The following SERTM1 variants were observed in gnomAD, a reference collection of about 807,000 sequenced individuals.
SERTM1 encodes serine rich and transmembrane domain containing 1, also known as serine-rich and transmembrane domain-containing protein 1.
A neutral mutation model predicts 5.5 loss-of-function variants in SERTM1; 1 was observed. That is an observed-to-expected ratio of 0.18 (90% confidence interval 0.06 to 0.86). SERTM1 has a LOEUF of 0.86. SERTM1 is among the 40% of genes least tolerant of loss of function. SERTM1 has a pLI of 0.69. For missense variants in SERTM1, 91 were observed against 122.4 expected (o/e 0.74, Z 1.21); for synonymous variants, 52 against 55.1 (o/e 0.94, Z 0.25).
chr13:36,681,747 A>G (rs894283450), intron 1 of SERTM1, among the ~76,000 whole-genome samples: 9 of 152,232 alleles, frequency 5.9e-5, no homozygotes, highest in African/African-American at 2.2e-4. Flanking sequence ...ATTCTGGGTC[A>G]TATTCAGCCA....
At chr13:36,694,779 G>C (rs1315803311) in intron 1 of SERTM1, 127 bp from the exon 2 acceptor site, 3 of 381,024 alleles carry the variant, frequency 7.9e-6, no homozygotes, top group Non-Finnish European at 1.4e-5. Flanking sequence ...CTGATTCCTA[G>C]GGGAGTTATA....
At chr13:36,687,935 A>C (rs1480957382) in intron 1 of SERTM1, among the ~76,000 whole-genome samples, 1 of 152,112 alleles carries the variant, frequency 6.6e-6, no homozygotes, top group Non-Finnish European at 1.5e-5. Context: ...GAGGATACCT[A>C]GTAGTTTACA....
At chr13:36,683,499 CAAAT>C (rs944144937) in intron 1 of SERTM1, among the ~76,000 whole-genome samples, 8 of 152,082 alleles carry the variant, frequency 5.3e-5, no homozygotes, top group Non-Finnish European at 8.8e-5. Flanking sequence ...GCTACAGTAA[CAAAT>C]AAGCCCCAAA....
chr13:36,683,770 C>G (rs1323631915), intron 1 of SERTM1, among the ~76,000 whole-genome samples: 1 of 152,078 alleles, frequency 6.6e-6, no homozygotes, highest in African/African-American at 2.4e-5. Flanking sequence ...ATACAGTCAC[C>G]CTAAATTCAG....
In SERTM1 at chr13:36,695,234, A is replaced by G. The variant is rs1468510855; in HGVS notation, c.156A>G (p.Leu52=). Residue 52 remains leucine, a synonymous_variant, in exon 2 of 2, where the codon TTA becomes TTG. Transcript: ENST00000315190. The stretch of plus-strand genomic sequence containing the variant: ...ATGTGTCCATATTCCTCAGCCTTTT[A>G]GCGTTTCTGCTTCTGCTTTTAATCA... ...YIYVSIFLSL[L]AFLLLLLIIA... is the part of the protein sequence containing the mutation. The G allele has an allele frequency of 2.5e-6, 4 of 1,614,180 alleles. No homozygotes were observed. Among genetic ancestry groups the G allele is most frequent in the Non-Finnish European group, 2.5e-6 (3 of 1,180,024 alleles).
chr13:36,685,921 C>T (rs2056738069), intron 1 of SERTM1, among the ~76,000 whole-genome samples: 2 of 152,322 alleles, frequency 1.3e-5, no homozygotes, highest in South Asian at 2.1e-4. Flanking sequence ...CTGATCTTCT[C>T]ACAGATCACC....
chr13:36,681,763 T>G (rs2056706722), intron 1 of SERTM1, among the ~76,000 whole-genome samples: 1 of 152,238 alleles, frequency 6.6e-6, no homozygotes, highest in Admixed American at 6.5e-5. Flanking sequence ...AGCCAGAGCT[T>G]CATAGTCTCA....
At chr13:36,688,248 C>G (rs184873970) in intron 1 of SERTM1, among the ~76,000 whole-genome samples, 1 of 151,676 alleles carries the variant, frequency 6.6e-6, no homozygotes, top group African/African-American at 2.4e-5. Flanking sequence ...GGGTCTCACT[C>G]TGTCACCCTG....
intron 1 of SERTM1, among the ~76,000 whole-genome samples, chr13:36,678,070 A>AG (rs2056680786): frequency 6.6e-6 from 1 of 152,226 alleles, no homozygotes; most frequent in Admixed American, 6.5e-5. Flanking sequence ...GAGCAGGAAG[A>AG]GAAAAAACAA....
chr13:36,692,515 C>T (rs578212732), intron 1 of SERTM1, among the ~76,000 whole-genome samples: 6 of 152,280 alleles, frequency 3.9e-5, no homozygotes, highest in African/African-American at 9.6e-5. Context: ...CTACACCTGT[C>T]GAAACTGTAG....
rs751992309 is a variant in SERTM1 at position 36,695,324 on chromosome 13, C to T, written c.246C>T (p.Asp82=). ...SSSSYPEYPS[D]AGSSFTNLEV... is the part of the protein sequence containing the mutation. The stretch of plus-strand genomic sequence containing the variant: ...CCTCCTACCCAGAGTATCCAAGCGA[C>T]GCTGGAAGTTCTTTCACCAATTTGG... Residue 82 remains aspartate, a synonymous_variant, in exon 2 of 2, where the codon GAC becomes GAT. Coordinates refer to ENST00000315190, the MANE Select transcript of SERTM1 (RefSeq NM_203451.3). The T allele has an allele frequency of 5.9e-5, 96 of 1,613,946 alleles. 3 individuals are homozygous for T. The South Asian group carries it at 7.2e-4, about 12-fold the overall frequency.
chr13:36,679,589 G>A (rs1174352883), intron 1 of SERTM1, among the ~76,000 whole-genome samples: 1 of 152,038 alleles, frequency 6.6e-6, no homozygotes, highest in Non-Finnish European at 1.5e-5. Flanking sequence ...TGTATTTTTA[G>A]TAGAGATGGG....
chr13:36,677,080 T>C (rs1289028373), intron 1 of SERTM1, among the ~76,000 whole-genome samples: 3 of 152,216 alleles, frequency 2.0e-5, no homozygotes, highest in African/African-American at 4.8e-5. Flanking sequence ...CCTTCTGTTC[T>C]GATTCTGATT....
chr13:36,697,012 T>G lies in SERTM1; in HGVS notation c.*1610T>G, dbSNP rs2056818931. The stretch of plus-strand genomic sequence containing the variant: ...TGCTGAGTGAGTGGAGGTCTGGGAA[T>G]GAAAATCAGAAGTCTTCTTCTTCTT... On this transcript the variant is annotated 3_prime_UTR_variant, in exon 2 of 2. Transcript: ENST00000315190. 6.0e-6 allele frequency: 1 copy of G among 167,026 alleles called. No individual in the cohort carries two copies. The highest frequency in any genetic ancestry group is 2.4e-5 in the African/African-American group (1 of 41,446). The allele number at this position is 167,026 out of a possible 1,614,324, so 10.3% of individuals were successfully genotyped here. A position where few individuals can be genotyped will look rare whatever the true frequency, so the allele number is the denominator to read the frequency against.
intron 1 of SERTM1, among the ~76,000 whole-genome samples, chr13:36,684,933 T>G (rs2056730562): frequency 6.6e-6 from 1 of 152,238 alleles, no homozygotes; most frequent in Non-Finnish European, 1.5e-5. Context: ...GGTCACTACT[T>G]TGGCAGTCTG....
intron 1 of SERTM1, among the ~76,000 whole-genome samples, chr13:36,685,035 G>C (rs77448081): frequency 6.6e-6 from 1 of 152,238 alleles, no homozygotes; most frequent in African/African-American, 2.4e-5. Context: ...GCCTACACTT[G>C]TCTATTGCTT....
At chr13:36,680,029 A>G (rs539304056) in intron 1 of SERTM1, among the ~76,000 whole-genome samples, 4 of 152,206 alleles carry the variant, frequency 2.6e-5, no homozygotes, top group Non-Finnish European at 4.4e-5. Flanking sequence ...TTTAGGCTTG[A>G]GTCCCATCCC....
chr13:36,683,400 TA>T (rs2056718836), intron 1 of SERTM1, among the ~76,000 whole-genome samples: 1 of 152,206 alleles, frequency 6.6e-6, no homozygotes, highest in African/African-American at 2.4e-5. Flanking sequence ...TAATTTGACT[TA>T]TTTATGGTCA....
In SERTM1 at chr13:36,696,886, A is replaced by C. The variant is rs564817470; in HGVS notation, c.*1484A>C. The C allele has an allele frequency of 6.0e-6, 1 of 167,038 alleles. No individual in the cohort carries two copies. Among genetic ancestry groups the C allele is most frequent in the Non-Finnish European group, 1.5e-5 (1 of 68,108 alleles). The allele number at this position is 167,038 out of a possible 1,614,324, so 10.3% of individuals were successfully genotyped here. On this transcript the variant is annotated 3_prime_UTR_variant, in exon 2 of 2. Coordinates refer to ENST00000315190, the MANE Select transcript of SERTM1 (RefSeq NM_203451.3). ...TAATCATCTTAAGCAGTGGGGCTTC[A>C]ACACACCGTTTGGTTAGATTGTGCA... is the stretch of plus-strand genomic sequence containing the variant.
Sources: gnomAD v4.1 joint callset for allele counts (sites outside exome capture counted in the v4.1 genomes callset) on GRCh38, gnomAD v4.1.1 for gene constraint, MANE v1.5 for transcripts, NCBI Gene and HGNC (gene_info 2026-07-23, HGNC 2026-07-21) for gene names.